DPP6: variants seen among roughly 807,000 people sequenced by gnomAD.
DPP6 encodes the protein dipeptidyl peptidase like 6, also known as A-type potassium channel modulatory protein DPP6.
In DPP6, 69 loss-of-function variants were observed where a neutral mutation model predicts 122.6. The observed-to-expected ratio is 0.56, with a 90% CI of 0.46 to 0.69. The LOEUF (loss-of-function observed/expected upper bound fraction) is 0.69, where lower values mean the gene tolerates loss of function less well. DPP6 is among the 30% of genes least tolerant of loss of function. The pLI, the probability that DPP6 is intolerant of heterozygous loss-of-function variation, is 0.00. For synonymous variants in DPP6, 418 were observed against 433.1 expected, an observed-to-expected ratio of 0.97 and a Z score of 0.43; for missense variants, 928 against 1,116.9, an observed-to-expected ratio of 0.83 and a Z score of 2.41.
the DPP6 span, among the ~76,000 whole-genome samples, chr7:153,843,437 G>A: frequency 6.6e-6 from 1 of 152,140 alleles, no homozygotes; most frequent in Admixed American, 6.5e-5. Flanking sequence ...ATGCAACGGG[G>A]CTCTCTCTTT....
At chr7:154,012,784 T>G (rs199685120) in intron 1 of DPP6, among the ~76,000 whole-genome samples, 15,816 of 152,230 alleles carry the variant, frequency 0.1, 929 homozygotes, top group East Asian at 0.19. Flanking sequence ...ATTGGCAGTT[T>G]GCTTATCTTT....
intron 1 of DPP6, among the ~76,000 whole-genome samples, chr7:153,971,152 A>G (rs1360454575): frequency 2.0e-5 from 3 of 152,062 alleles, no homozygotes; most frequent in Non-Finnish European, 4.4e-5. Flanking sequence ...CCAATATCAC[A>G]TATTTTTTAA....
At position 154,027,045 on chromosome 7, in the gene DPP6, T is replaced by C. The variant is rs1798985856; in HGVS notation, c.51+139311T>C. 2.0e-5 allele frequency: 3 copies of C among 147,584 alleles called. No individual in the cohort carries two copies. In the Admixed American group the frequency reaches 2.0e-4, roughly 10 times the overall value. The allele number at this position is 147,584 out of a possible 1,614,324, so 9.1% of individuals were successfully genotyped here. A position where few individuals can be genotyped will look rare whatever the true frequency, so the allele number is the denominator to read the frequency against. ...TCACAGTAGGGTTTGTCCTTGTGTT[T>C]TCTTGTTTTGTTTGGGAAAATAATG... On this transcript the variant is annotated intron_variant, in intron 1 of 25. Transcript: ENST00000404039.
intron 16 of DPP6, among the ~76,000 whole-genome samples, chr7:154,841,603 TG>T (rs11353710): frequency 0.026 from 3,949 of 152,068 alleles, 189 homozygotes; most frequent in African/African-American, 0.091. Flanking sequence ...CTTTTTTTTA[TG>T]ATTGGGAAGG....
intron 3 of DPP6, among the ~76,000 whole-genome samples, chr7:154,502,929 C>A (rs1431048553): frequency 6.6e-6 from 1 of 152,134 alleles, no homozygotes; most frequent in Admixed American, 6.5e-5. Context: ...GTTTCACATG[C>A]CTGTGACTCA....
intron 7 of DPP6, among the ~76,000 whole-genome samples, chr7:154,726,293 C>T (rs1842061294): frequency 1.3e-5 from 2 of 152,200 alleles, no homozygotes; most frequent in Non-Finnish European, 2.9e-5. Context: ...AGAGGATCTC[C>T]ATGAGGGCTT....
At chr7:154,765,840 G>T (rs1795861647) in intron 8 of DPP6, among the ~76,000 whole-genome samples, 1 of 152,190 alleles carries the variant, frequency 6.6e-6, no homozygotes. Context: ...TTTGTTCCAA[G>T]GCAGGCGTCC....
chr7:154,172,138 C>T, intron 1 of DPP6, among the ~76,000 whole-genome samples: 1 of 113,306 alleles, frequency 8.8e-6, no homozygotes, highest in Non-Finnish European at 1.8e-5. Context: ...CCCTCCCTTC[C>T]TTCCTTCTTC....
the DPP6 span, among the ~76,000 whole-genome samples, chr7:153,847,160 T>C: frequency 6.6e-6 from 1 of 152,324 alleles, no homozygotes; most frequent in African/African-American, 2.4e-5. Context: ...TTCCATTAGT[T>C]TGTTTTTATT....
intron 6 of DPP6, among the ~76,000 whole-genome samples, chr7:154,648,844 A>G (rs371031095): frequency 4.6e-5 from 7 of 151,966 alleles, no homozygotes; most frequent in African/African-American, 7.2e-5. Flanking sequence ...ATTTGAACCC[A>G]GGAGGCAGAG....
intron 1 of DPP6, among the ~76,000 whole-genome samples, chr7:154,102,651 G>A (rs1805832758): frequency 6.6e-6 from 1 of 152,112 alleles, no homozygotes; most frequent in African/African-American, 2.4e-5. Flanking sequence ...CTTAGGATAA[G>A]TCTCATATCT....
At chr7:154,235,979 G>T (rs114966417) in intron 1 of DPP6, among the ~76,000 whole-genome samples, 1 of 152,000 alleles carries the variant, frequency 6.6e-6, no homozygotes, top group African/African-American at 2.4e-5. Flanking sequence ...CAGTCTCCCA[G>T]CTATCTGGGA....
At chr7:154,868,191 C>G (rs1279003716) in intron 18 of DPP6, 98 bp downstream of exon 18, 1 of 1,461,916 alleles carries the variant, frequency 6.8e-7, no homozygotes, top group Non-Finnish European at 9.2e-7. Context: ...GCAAGGAAGA[C>G]TCCCCAAGCA....
At chr7:154,564,225 G>A (rs879452103) in intron 4 of DPP6, among the ~76,000 whole-genome samples, 1 of 152,136 alleles carries the variant, frequency 6.6e-6, no homozygotes, top group Non-Finnish European at 1.5e-5. Context: ...GTGGGGGTGA[G>A]AGCATGACAG....
intron 3 of DPP6, among the ~76,000 whole-genome samples, chr7:154,538,793 G>A (rs186279798): frequency 4.2e-4 from 64 of 152,314 alleles, no homozygotes; most frequent in African/African-American, 1.5e-3. Flanking sequence ...TTTAATGTGA[G>A]ATAGCTCATT....
chr7:154,060,331 G>A (rs1381220362), intron 1 of DPP6, among the ~76,000 whole-genome samples: 1 of 126,258 alleles, frequency 7.9e-6, no homozygotes, highest in Non-Finnish European at 1.8e-5. Context: ...ATCGCAGGAG[G>A]GGGAGGCACC....
At chr7:154,613,208 T>G (rs1171374049) in intron 5 of DPP6, among the ~76,000 whole-genome samples, 2 of 152,348 alleles carry the variant, frequency 1.3e-5, no homozygotes, top group East Asian at 1.9e-4. Context: ...ACACAGACAT[T>G]CTGTTCATAA....
intron 1 of DPP6, among the ~76,000 whole-genome samples, chr7:154,374,222 A>G (rs796225408): frequency 7.2e-5 from 11 of 152,286 alleles, no homozygotes; most frequent in African/African-American, 2.6e-4. Flanking sequence ...TGGGGACATT[A>G]TTTCATGTTT....
At chr7:153,973,632 C>CGTGTGTGTGT (rs773321136) in intron 1 of DPP6, among the ~76,000 whole-genome samples, 115 of 113,496 alleles carry the variant, frequency 1.0e-3, no homozygotes, top group African/African-American at 3.2e-3. Context: ...CACCATCGCT[C>CGTGTGTGTGT]GTGTGTGTGT....
Sources: gnomAD v4.1 joint callset for allele counts (sites outside exome capture counted in the v4.1 genomes callset) on GRCh38, gnomAD v4.1.1 for gene constraint, MANE v1.5 for transcripts, NCBI Gene and HGNC (gene_info 2026-07-23, HGNC 2026-07-21) for gene names.